ARFGEF3: variants seen among roughly 807,000 people sequenced by gnomAD.
The protein encoded by ARFGEF3 is brefeldin A-inhibited guanine nucleotide-exchange protein 3.
In ARFGEF3, 96 loss-of-function variants were observed where a neutral mutation model predicts 221.7. The ratio of observed to expected loss-of-function variants is 0.43; its 90% CI spans 0.37 to 0.51. The LOEUF (loss-of-function observed/expected upper bound fraction) is 0.51, where lower values mean the gene tolerates loss of function less well. Ranked by LOEUF, ARFGEF3 falls within the 20% of genes least tolerant of loss-of-function variation. The pLI is 0.00. For missense variants in ARFGEF3, 2,410 were observed against 2,789.9 expected (o/e 0.86, Z 3.07); for synonymous variants, 1,145 against 1,126.8 (o/e 1.02, Z -0.32).
chr6:138,324,821 A>G (rs772181808), intron 31 of ARFGEF3, among the ~76,000 whole-genome samples: 5 of 152,274 alleles, frequency 3.3e-5, no homozygotes, highest in Non-Finnish European at 5.9e-5. Context: ...TCAGAAGAAT[A>G]TAGTAGTATC....
intron 4 of ARFGEF3, among the ~76,000 whole-genome samples, chr6:138,226,706 G>A (rs2114527072): frequency 6.6e-6 from 1 of 152,242 alleles, no homozygotes; most frequent in South Asian, 2.1e-4. Context: ...TAAACTTGTT[G>A]CCCTCTCATT....
At chr6:138,314,023 C>T (rs1277011662) in intron 26 of ARFGEF3, 84 bp downstream of exon 26, 20 of 1,390,114 alleles carry the variant, frequency 1.4e-5, no homozygotes, top group African/African-American at 1.4e-5. Context: ...GTACCTTAAG[C>T]TTCTGGGAAT....
In ARFGEF3 at chr6:138,261,617, T is replaced by A; in HGVS notation, c.1195T>A (p.Ser399Thr). ...AAAAAGATCAATTTCAAAAAGAAAG[T>A]CTCATCTGGATCTCCTCAAACTGTA... The part of the protein sequence containing the change: ...SRKRSISKRK[S>T]HLDLLKLIMD... The change falls in exon 11 of 34, where the codon TCT becomes ACT. Residue 399 changes from serine to threonine, a missense_variant. By Grantham distance (58) the Ser-to-Thr change is moderately conservative. Around this residue, in one of 5 missense-constraint regions of ARFGEF3, gnomAD observed 570 missense variants for 586.9 expected, o/e 0.97. Coordinates refer to ENST00000251691, the MANE Select transcript of ARFGEF3 (RefSeq NM_020340.5). The A allele has an allele frequency of 6.4e-7, 1 of 1,561,754 alleles. No homozygotes were observed. Among genetic ancestry groups the A allele is most frequent in the South Asian group, 1.2e-5 (1 of 84,550 alleles).
chr6:138,286,097 T>C lies in ARFGEF3; in HGVS notation c.2569+44T>C, dbSNP rs200885483. The C allele has an allele frequency of 3.2e-4, 349 of 1,085,924 alleles. 1 individual carries two copies. Among genetic ancestry groups the C allele is most frequent in the Middle Eastern group, 9.7e-4 (5 of 5,138 alleles). 67.3% of individuals were successfully genotyped at this position (1,085,924 alleles called of 1,614,324 possible). On this transcript the variant is annotated intron_variant, in intron 15 of 33. Transcript: ENST00000251691. ...AGTTTATGAACATCCATACACTGCA[T>C]GTGTTACCAGCAATTACATTGTTAT...
rs569582147 is a variant in ARFGEF3 at position 138,307,389 on chromosome 6, A to T, written c.3965A>T (p.Tyr1322Phe). Reference sequence around the variant, plus strand: ...ATGAAGGAGTACCTGGTTGGTGACTACTCCATGGGTAAGAATGTTTGGATG... The same window carrying T: ...ATGAAGGAGTACCTGGTTGGTGACTTCTCCATGGGTAAGAATGTTTGGATG... ...SEMKEYLVGD[Y>F]SMGKGQAPVF... The change falls in exon 23 of 34, where the codon TAC (tyrosine) becomes TTC (phenylalanine). Residue 1322 changes from tyrosine to phenylalanine, a missense_variant. Transcript: ENST00000251691. 3.2e-5 allele frequency: 52 copies of T among 1,613,292 alleles called. No homozygotes were observed. The highest frequency in any genetic ancestry group is 4.2e-5 in the Non-Finnish European group (49 of 1,179,528).
In ARFGEF3 at chr6:138,338,914, G is replaced by A. The variant is rs1780380154; in HGVS notation, c.*2428G>A. 6.6e-6 allele frequency: 1 copy of A among 151,818 alleles called. No homozygotes were observed. Among genetic ancestry groups the A allele is most frequent in the African/African-American group, 2.4e-5 (1 of 41,296 alleles). 9.4% of individuals were successfully genotyped at this position (151,818 alleles called of 1,614,324 possible). A position where few individuals can be genotyped will look rare whatever the true frequency, so the allele number is the denominator to read the frequency against. On this transcript the variant is annotated 3_prime_UTR_variant, in exon 34 of 34. Coordinates refer to ENST00000251691, the MANE Select transcript of ARFGEF3 (RefSeq NM_020340.5). ...TGGGATCCAAAATTCTTGAACATAAGTTTACCCTGTACTGTGTCCAAACAC... is the reference window on the plus strand; with the variant it reads ...TGGGATCCAAAATTCTTGAACATAAATTTACCCTGTACTGTGTCCAAACAC...
At chr6:138,272,511 A>G (rs1345943155) in intron 12 of ARFGEF3, among the ~76,000 whole-genome samples, 1 of 152,254 alleles carries the variant, frequency 6.6e-6, no homozygotes, top group Admixed American at 6.5e-5. Context: ...ATGAAAAAAT[A>G]TCATGTAATT....
intron 6 of ARFGEF3, among the ~76,000 whole-genome samples, chr6:138,240,835 A>G (rs1276775824): frequency 2.6e-5 from 4 of 152,156 alleles, no homozygotes; most frequent in Non-Finnish European, 5.9e-5. Context: ...GGAATCATCT[A>G]TAGGAATGGA....
chr6:138,334,417 T>C lies in ARFGEF3; in HGVS notation c.5571T>C (p.Ser1857=). The C allele has an allele frequency of 6.2e-7, 1 of 1,612,212 alleles. No homozygotes were observed. Residue 1857 remains serine, a synonymous_variant, in exon 33 of 34, where the codon TCT becomes TCC. Coordinates refer to ENST00000251691, the MANE Select transcript of ARFGEF3 (RefSeq NM_020340.5). The surrounding 1 kb of genome is among the most constrained non-coding windows in gnomAD (Gnocchi z 5.1). ...CGGATTCTTCCCAGCAGTGTTCATCTGAGGATGAAGACATCTTTGAGGAAA... is the reference window on the plus strand; with the variant it reads ...CGGATTCTTCCCAGCAGTGTTCATCCGAGGATGAAGACATCTTTGAGGAAA... ...RSTDSSQQCS[S]EDEDIFEETA... is the part of the protein sequence containing the mutation.
rs1042702008 is a variant in ARFGEF3 at position 138,181,562 on chromosome 6, G to A, written c.137+10849G>A. On this transcript the variant is annotated intron_variant, in intron 2 of 33. Transcript: ENST00000251691. Reference sequence around the variant, plus strand: ...GGGTTCAAGCAATTCTCCTGCCTTGGCCTCCAGAGTAGCTGGAGTTACAGG... The same window carrying A: ...GGGTTCAAGCAATTCTCCTGCCTTGACCTCCAGAGTAGCTGGAGTTACAGG... 3.3e-5 allele frequency among the ~76,000 whole-genome samples: 5 copies of A among 152,270 alleles called. No individual in the cohort carries two copies. In the East Asian group the frequency reaches 9.7e-4, roughly 29 times the overall value.
rs1156912136 is a variant in ARFGEF3 at position 138,294,103 on chromosome 6, T to A, written c.3479T>A (p.Val1160Asp). The part of the protein sequence containing the change: ...SQLFHSVTDT[V>D]DYSLAMPGEV... ...CTTTTCCATTCTGTTACAGATACAG[T>A]TGATTACTCTCTGGCAATGCCAGGT... is the stretch of plus-strand genomic sequence containing the variant. Residue 1160 changes from valine to aspartate, a missense_variant, in exon 20 of 34, where the codon GTT (valine) becomes GAT (aspartate). Around this residue, in one of 5 missense-constraint regions of ARFGEF3, gnomAD observed 723 missense variants for 991.9 expected, o/e 0.73. Transcript: ENST00000251691. The A allele has an allele frequency of 9.3e-6, 15 of 1,613,870 alleles. No homozygotes were observed. The highest frequency in any genetic ancestry group is 1.2e-5 in the Non-Finnish European group (14 of 1,179,860).
chr6:138,209,787 T>C, intron 3 of ARFGEF3, 123 bp from the exon 4 acceptor site: 1 of 1,247,916 alleles, frequency 8.0e-7, no homozygotes, highest in African/African-American at 1.5e-5. Context: ...AGTTCTTTCT[T>C]AATGGCCTCC....
At chr6:138,192,829 A>G (rs772658332) in intron 2 of ARFGEF3, among the ~76,000 whole-genome samples, 1 of 152,204 alleles carries the variant, frequency 6.6e-6, no homozygotes, top group African/African-American at 2.4e-5. Context: ...GAAGAAAGTA[A>G]GGGTTGAAGA....
At chr6:138,172,448 G>A (rs1238530526) in intron 2 of ARFGEF3, among the ~76,000 whole-genome samples, 1 of 152,124 alleles carries the variant, frequency 6.6e-6, no homozygotes, top group East Asian at 1.9e-4. Flanking sequence ...GTAGTGTGTT[G>A]TCCTGGGGTA....
At chr6:138,202,028 G>A (rs1777546172) in intron 2 of ARFGEF3, among the ~76,000 whole-genome samples, 1 of 152,204 alleles carries the variant, frequency 6.6e-6, no homozygotes, top group East Asian at 1.9e-4. Context: ...TCACAGTGCG[G>A]ATGATGCCTT....
chr6:138,194,229 C>T (rs1486060151), intron 2 of ARFGEF3, among the ~76,000 whole-genome samples: 2 of 149,392 alleles, frequency 1.3e-5, no homozygotes, highest in Non-Finnish European at 1.5e-5. Context: ...GATCATGCTA[C>T]TGCACTCCAG....
chr6:138,196,551 G>A (rs138079648), intron 2 of ARFGEF3, among the ~76,000 whole-genome samples: 277 of 152,330 alleles, frequency 1.8e-3, no homozygotes, highest in African/African-American at 6.3e-3. Context: ...GGGTGAGTCC[G>A]TGAGAGAGCA....
chr6:138,178,118 CA>C (rs1438970973), intron 2 of ARFGEF3, among the ~76,000 whole-genome samples: 3 of 152,012 alleles, frequency 2.0e-5, no homozygotes, highest in African/African-American at 7.2e-5. Flanking sequence ...TTTTGTTGGG[CA>C]GGGGGACTTT....
intron 4 of ARFGEF3, among the ~76,000 whole-genome samples, chr6:138,220,039 G>A (rs75474836): frequency 6.6e-6 from 1 of 151,274 alleles, no homozygotes; most frequent in South Asian, 2.1e-4. Flanking sequence ...TTTCTGCAGG[G>A]TTTCACTGTC....
Sources: gnomAD v4.1 joint callset for allele counts (sites outside exome capture counted in the v4.1 genomes callset) on GRCh38, gnomAD v4.1.1 for gene constraint, gnomAD v4.1.1 regional missense constraint, Gnocchi (gnomAD v3.1) non-coding constraint, MANE v1.5 for transcripts, NCBI Gene and HGNC (gene_info 2026-07-23, HGNC 2026-07-21) for gene names.